ITCH: variants seen among roughly 807,000 people sequenced by gnomAD.
The protein encoded by ITCH is itchy E3 ubiquitin protein ligase, also known as E3 ubiquitin-protein ligase Itchy homolog.
A neutral mutation model predicts 126.8 loss-of-function variants in ITCH; 28 were observed. That is an observed-to-expected ratio of 0.22 (90% confidence interval 0.16 to 0.30). The LOEUF is 0.30. ITCH is among the 10% of genes least tolerant of loss of function. The pLI, the probability that ITCH is intolerant of heterozygous loss-of-function variation, is 1.00. For missense variants in ITCH, 631 were observed against 1,032.4 expected (o/e 0.61, Z 5.33); for synonymous variants, 342 against 340.0 (o/e 1.01, Z -0.06).
At chr20:34,434,138 A>G (rs953474768) in intron 7 of ITCH, among the ~76,000 whole-genome samples, 1 of 151,988 alleles carries the variant, frequency 6.6e-6, no homozygotes, top group Admixed American at 6.6e-5. Context: ...TTAGCTGGGT[A>G]TGGTGGTGCA....
At chr20:34,466,576 A>G (rs539780275) in intron 14 of ITCH, among the ~76,000 whole-genome samples, 13 of 152,186 alleles carry the variant, frequency 8.5e-5, no homozygotes, top group Non-Finnish European at 1.3e-4. Context: ...TTTAGTTACA[A>G]TAAGTTTGGG....
At chr20:34,393,399 A>G (rs938424456) in intron 2 of ITCH, among the ~76,000 whole-genome samples, 5 of 152,156 alleles carry the variant, frequency 3.3e-5, no homozygotes, top group Non-Finnish European at 5.9e-5. Flanking sequence ...AGTCTTACCT[A>G]CTGGGGACTG....
intron 13 of ITCH, among the ~76,000 whole-genome samples, chr20:34,458,820 T>C (rs1412122204): frequency 6.6e-6 from 1 of 152,244 alleles, no homozygotes; most frequent in Admixed American, 6.5e-5. Context: ...AGTACTTCAG[T>C]ATGACCTCAT....
intron 2 of ITCH, among the ~76,000 whole-genome samples, chr20:34,385,189 ATGTGTGTGTGTGTGTGTG>A (rs150658162): frequency 2.0e-5 from 2 of 101,360 alleles, no homozygotes; most frequent in African/African-American, 8.0e-5. Flanking sequence ...AGCTAATTTT[ATGTGTGTGTGTGTGTGTG>A]TGTGTGTGTG....
At position 34,508,569 on chromosome 20, in the gene ITCH, G is replaced by C. The variant is rs549330056; in HGVS notation, c.*775G>C. The C allele has an allele frequency of 6.6e-6, 1 of 152,452 alleles. No homozygotes were observed. The highest frequency in any genetic ancestry group is 1.9e-4 in the East Asian group (1 of 5,192). The allele number at this position is 152,452 out of a possible 1,614,324, so 9.4% of individuals were successfully genotyped here. ...CTCATACCTGTAATCCTAGCACTCT[G>C]GGAGGCCGAGGCAGGAGGATCCCTT... On this transcript the variant is annotated 3_prime_UTR_variant, in exon 25 of 25. Transcript: ENST00000374864.
intron 6 of ITCH, among the ~76,000 whole-genome samples, chr20:34,420,866 T>G (rs746942758): frequency 6.6e-6 from 1 of 152,214 alleles, no homozygotes; most frequent in Non-Finnish European, 1.5e-5. Context: ...CCAGAGAACA[T>G]TTCTTTTGCT....
At chr20:34,474,272 A>G (rs918287251) in intron 16 of ITCH, among the ~76,000 whole-genome samples, 1 of 152,194 alleles carries the variant, frequency 6.6e-6, no homozygotes, top group Non-Finnish European at 1.5e-5. Context: ...AAACAAGTGA[A>G]CAAAGGTCCC....
chr20:34,482,357 C>T lies in ITCH; in HGVS notation c.2093+1151C>T, dbSNP rs145793136. 3.3e-5 allele frequency among the ~76,000 whole-genome samples: 5 copies of T among 152,312 alleles called. 1 individual carries two copies. In the East Asian group the frequency reaches 9.7e-4, roughly 29 times the overall value. On this transcript the variant is annotated intron_variant, in intron 20 of 24. Transcript: ENST00000374864. ...CTGGGACAAGGGAAGTCCCTTCCGC[C>T]TATGAGCCTGTAAAATTAAAAGCAA...
At chr20:34,384,147 C>CTTTT (rs35103776) in intron 2 of ITCH, 4 of 124,046 alleles carry the variant, frequency 3.2e-5, no homozygotes, top group Non-Finnish European at 4.9e-5. Flanking sequence ...TGTCCGGCCT[C>CTTTT]TTTTTTTTTT....
intron 12 of ITCH, among the ~76,000 whole-genome samples, chr20:34,452,997 A>G (rs1301374546): frequency 6.6e-6 from 1 of 152,254 alleles, no homozygotes; most frequent in Non-Finnish European, 1.5e-5. Flanking sequence ...GAAAGAATAC[A>G]TAGAATGACA....
At chr20:34,396,163 A>G (rs994353185) in intron 3 of ITCH, among the ~76,000 whole-genome samples, 2 of 151,422 alleles carry the variant, frequency 1.3e-5, no homozygotes, top group Non-Finnish European at 2.9e-5. Flanking sequence ...TCTTCTGAGT[A>G]GCTGGGACTA....
At chr20:34,370,103 CG>C (rs1193007890) in intron 2 of ITCH, among the ~76,000 whole-genome samples, 1 of 127,180 alleles carries the variant, frequency 7.9e-6, no homozygotes, top group East Asian at 2.3e-4. Flanking sequence ...GACCCTGTCT[CG>C]GAAAAAAAAA....
rs181513446 is a variant in ITCH at position 34,409,153 on chromosome 20, G to T, written c.212+361G>T. Reference sequence around the variant, plus strand: ...ATTATGAGTACTCCCCCCCCCCCCGGTTTTTAACTTAATTTTTAAAAATAG... The same window carrying T: ...ATTATGAGTACTCCCCCCCCCCCCGTTTTTTAACTTAATTTTTAAAAATAG... On this transcript the variant is annotated intron_variant, in intron 4 of 24. Coordinates refer to ENST00000374864, the MANE Select transcript of ITCH (RefSeq NM_031483.7). 7.5e-3 allele frequency among the ~76,000 whole-genome samples: 843 copies of T among 111,994 alleles called. 17 individuals carry two copies. The highest frequency in any genetic ancestry group is 0.034 in the African/African-American group (804 of 23,820). 73.5% of individuals were successfully genotyped at this position (111,994 alleles called of 152,430 possible).
rs1473627999 is a variant in ITCH at position 34,470,036 on chromosome 20, G to A, written c.1425-12G>A. On this transcript the variant is annotated splice_polypyrimidine_tract_variant and intron_variant, in intron 14 of 24. Transcript: ENST00000374864. ...AGCTATATATGTCCTGTTAACCCTT[G>A]TTCTTCCTCAGAGACAATGGACCTC... The A allele has an allele frequency of 6.2e-7, 1 of 1,610,344 alleles. No homozygotes were observed. The highest frequency in any genetic ancestry group is 8.5e-7 in the Non-Finnish European group (1 of 1,176,606).
At chr20:34,409,953 C>T (rs1978744808) in intron 4 of ITCH, among the ~76,000 whole-genome samples, 1 of 151,708 alleles carries the variant, frequency 6.6e-6, no homozygotes, top group Non-Finnish European at 1.5e-5. Context: ...TTGTGTGAGG[C>T]CAGGAGTTCA....
intron 1 of ITCH, among the ~76,000 whole-genome samples, chr20:34,368,941 T>C (rs1055912384): frequency 3.9e-5 from 6 of 152,206 alleles, no homozygotes. Context: ...TCTTTTGTCC[T>C]GTCTGCTCCA....
intron 12 of ITCH, among the ~76,000 whole-genome samples, chr20:34,457,128 T>C (rs1355932316): frequency 1.3e-5 from 2 of 152,128 alleles, no homozygotes; most frequent in Non-Finnish European, 2.9e-5. Flanking sequence ...CTGCTGTTGG[T>C]TGGATTGAGT....
At chr20:34,493,172 C>T (rs553239101) in intron 23 of ITCH, among the ~76,000 whole-genome samples, 49 of 152,288 alleles carry the variant, frequency 3.2e-4, no homozygotes, top group Admixed American at 9.8e-4. Flanking sequence ...TTAATACCAA[C>T]ATTATCCCAA....
At chr20:34,486,186 T>C (rs1481151387) in intron 20 of ITCH, among the ~76,000 whole-genome samples, 3 of 151,954 alleles carry the variant, frequency 2.0e-5, no homozygotes, top group Admixed American at 6.6e-5. Flanking sequence ...GGCTTACTTA[T>C]TTATTTATTT....
Sources: allele counts gnomAD v4.1 joint callset (sites outside exome capture counted in the v4.1 genomes callset), GRCh38; gene constraint gnomAD v4.1.1; transcripts MANE v1.5; gene names NCBI Gene and HGNC (gene_info 2026-07-23, HGNC 2026-07-21).